Variants in PACRG observed in about 807,000 individuals in gnomAD.
The protein encoded by PACRG is parkin coregulated.
Under a neutral mutation model 29.7 loss-of-function variants are expected in PACRG, and 29 were observed. That is an observed-to-expected ratio of 0.98 (90% CI 0.73 to 1.33). The LOEUF is 1.33. PACRG is among the 40% of genes most tolerant of loss of function. The pLI, the probability that PACRG is intolerant of heterozygous loss-of-function variation, is 0.00. For synonymous variants in PACRG, 116 were observed against 118.7 expected (o/e 0.98, Z 0.15); for missense variants, 279 against 316.2 (o/e 0.88, Z 0.89).
At chr6:163,011,638 T>C (rs77134468) in intron 2 of PACRG, among the ~76,000 whole-genome samples, 1,615 of 152,262 alleles carry the variant, frequency 0.011, 18 homozygotes, top group African/African-American at 0.037. Context: ...CAGTAAAAAA[T>C]TAACCTTAGC....
At chr6:163,189,244 G>C (rs757223854) in intron 4 of PACRG, among the ~76,000 whole-genome samples, 1 of 152,290 alleles carries the variant, frequency 6.6e-6, no homozygotes, top group Non-Finnish European at 1.5e-5. Context: ...TGGACATAAG[G>C]GATTTGCTGA....
chr6:163,287,115 T>G (rs1032519895), intron 4 of PACRG, among the ~76,000 whole-genome samples: 2 of 152,170 alleles, frequency 1.3e-5, no homozygotes, highest in African/African-American at 4.8e-5. Flanking sequence ...ACCTAACTTT[T>G]AAAAGTCTTA....
chr6:163,067,246 C>G (rs559827083), intron 3 of PACRG, among the ~76,000 whole-genome samples: 20 of 152,320 alleles, frequency 1.3e-4, no homozygotes, highest in African/African-American at 4.8e-4. Flanking sequence ...TCTGACAAGC[C>G]CGTGGTCGAT....
intron 2 of PACRG, among the ~76,000 whole-genome samples, chr6:162,824,878 A>G (rs1466927401): frequency 6.6e-6 from 1 of 152,222 alleles, no homozygotes; most frequent in Non-Finnish European, 1.5e-5. Context: ...TTCCGCTTGC[A>G]TAGATCATAA....
intron 4 of PACRG, among the ~76,000 whole-genome samples, chr6:163,115,812 C>T (rs1394032864): frequency 6.6e-6 from 1 of 152,164 alleles, no homozygotes; most frequent in Non-Finnish European, 1.5e-5. Context: ...CATAAGAATC[C>T]TGCATTCCTC....
At chr6:163,095,387 C>T (rs1814477981) in intron 4 of PACRG, 2 of 985,322 alleles carry the variant, frequency 2.0e-6, no homozygotes, top group Non-Finnish European at 2.4e-6. Context: ...TTGTCTGTAA[C>T]CTGGTAGGGC....
At chr6:162,845,442 G>A (rs1790282190) in intron 2 of PACRG, among the ~76,000 whole-genome samples, 1 of 147,496 alleles carries the variant, frequency 6.8e-6, no homozygotes, top group African/African-American at 2.5e-5. Flanking sequence ...AAAGTTTGTT[G>A]TATATATAAT....
At chr6:162,810,992 C>T (rs1229179386) in intron 1 of PACRG, among the ~76,000 whole-genome samples, 2 of 151,956 alleles carry the variant, frequency 1.3e-5, no homozygotes, top group African/African-American at 4.8e-5. Context: ...AAAGGCACAT[C>T]GTAATTAAAC....
chr6:163,208,080 C>T (rs923605302), intron 4 of PACRG, among the ~76,000 whole-genome samples: 1 of 152,222 alleles, frequency 6.6e-6, no homozygotes, highest in East Asian at 1.9e-4. Context: ...CATATTGCCA[C>T]TGTCTACATG....
intron 1 of PACRG, among the ~76,000 whole-genome samples, chr6:162,806,266 G>C (rs765528330): frequency 6.6e-6 from 1 of 151,680 alleles, no homozygotes; most frequent in Admixed American, 6.6e-5. Context: ...GCACCACCAC[G>C]CCCAGCTAAT....
intron 3 of PACRG, among the ~76,000 whole-genome samples, chr6:163,084,789 C>T (rs1003153888): frequency 1.1e-4 from 16 of 150,014 alleles, no homozygotes; most frequent in African/African-American, 3.9e-4. Context: ...TAGACATGGA[C>T]ATAAACCTAA....
intron 2 of PACRG, among the ~76,000 whole-genome samples, chr6:162,966,910 T>A (rs1238524457): frequency 6.6e-6 from 1 of 152,202 alleles, no homozygotes; most frequent in Admixed American, 6.5e-5. Context: ...TTCTGGCTCA[T>A]AAGGAAGAGA....
chr6:162,970,198 A>G (rs2128158020), intron 2 of PACRG, among the ~76,000 whole-genome samples: 1 of 152,270 alleles, frequency 6.6e-6, no homozygotes, highest in Middle Eastern at 3.4e-3. Flanking sequence ...TAATCACCAA[A>G]ATTCCAGCTC....
At chr6:162,963,016 T>C (rs2128146968) in intron 2 of PACRG, among the ~76,000 whole-genome samples, 1 of 152,314 alleles carries the variant, frequency 6.6e-6, no homozygotes, top group African/African-American at 2.4e-5. Context: ...TATAGATCTA[T>C]ATTAGTTCTA....
intron 3 of PACRG, among the ~76,000 whole-genome samples, chr6:163,086,861 C>T (rs989182124): frequency 6.6e-6 from 1 of 152,018 alleles, no homozygotes; most frequent in Admixed American, 6.5e-5. Flanking sequence ...GCAGCTATTT[C>T]CTCTGGAATC....
rs1228156101 is a variant in PACRG, at chr6:163,055,580, T to C, written c.292-6570T>C. Among the ~76,000 whole-genome samples the C allele has an allele frequency of 6.6e-6, 1 of 152,238 alleles. No homozygotes were observed. Among genetic ancestry groups the C allele is most frequent in the Non-Finnish European group, 1.5e-5 (1 of 68,036 alleles). ...CTGTAGGAAGTAGAACTGTATCTACTGTGTTAAAAAAGTTTGTGTCTCAAA... is the reference window on the plus strand; with the variant it reads ...CTGTAGGAAGTAGAACTGTATCTACCGTGTTAAAAAAGTTTGTGTCTCAAA... On this transcript the variant is annotated intron_variant, in intron 2 of 4. Coordinates refer to ENST00000366888, the MANE Select transcript of PACRG (RefSeq NM_001080379.2). The surrounding 1 kb of genome is among the most constrained non-coding windows in gnomAD (Gnocchi z 4.0).
chr6:163,157,262 T>G (rs914831955), intron 4 of PACRG, among the ~76,000 whole-genome samples: 1 of 152,364 alleles, frequency 6.6e-6, no homozygotes, highest in Non-Finnish European at 1.5e-5. Flanking sequence ...GCAGTGTGAC[T>G]GCCTCTGTGT....
chr6:162,893,975 A>G (rs1562707731), intron 2 of PACRG, among the ~76,000 whole-genome samples: 3 of 152,238 alleles, frequency 2.0e-5, no homozygotes, highest in African/African-American at 7.2e-5. Flanking sequence ...TGGGACGTAA[A>G]GAAATGACAG....
At chr6:162,985,964 A>AAAAAT (rs1554326532) in intron 2 of PACRG, among the ~76,000 whole-genome samples, 2 of 52,722 alleles carry the variant, frequency 3.8e-5, no homozygotes, top group Non-Finnish European at 7.7e-5. Flanking sequence ...CAATAGCTGC[A>AAAAAT]AAAATAAAAT....
Sources: gnomAD v4.1 joint callset for allele counts (sites outside exome capture counted in the v4.1 genomes callset) on GRCh38, gnomAD v4.1.1 for gene constraint, Gnocchi (gnomAD v3.1) non-coding constraint, MANE v1.5 for transcripts, NCBI Gene and HGNC (gene_info 2026-07-23, HGNC 2026-07-21) for gene names.